Variants in PCCB observed in about 807,000 individuals in gnomAD.
PCCB encodes the protein propionyl-CoA carboxylase subunit beta.
In PCCB, 43 loss-of-function variants were observed where a neutral mutation model predicts 60.7. That is an observed-to-expected ratio of 0.71 (90% CI 0.55 to 0.91). PCCB has a LOEUF of 0.91. Among genes scored for constraint, PCCB ranks in the 40% least tolerant of loss-of-function variants. The pLI is 0.00. For missense variants in PCCB, 766 were observed against 702.8 expected (o/e 1.09, Z -1.02); for synonymous variants, 276 against 255.9 (o/e 1.08, Z -0.75).
At chr3:136,302,169 G>A (rs1010816011) in intron 9 of PCCB, among the ~76,000 whole-genome samples, 4 of 124,776 alleles carry the variant, frequency 3.2e-5, no homozygotes, top group African/African-American at 4.9e-5. Flanking sequence ...TGCCCACCCC[G>A]GCTCCTGCAA....
Position 136,299,958 on chromosome 3 carries a change from A to G in PCCB, c.885-1072A>G, listed in dbSNP as rs566697800. Among the ~76,000 whole-genome samples, 5 of 152,080 alleles carry G rather than the reference A, an allele frequency of 3.3e-5. No homozygotes were observed. The South Asian group carries it at 8.3e-4, about 25-fold the overall frequency. ...TGTATACGCATATGCATACATATAT[A>G]CATGTATGCATGTATACACACATGC... On this transcript the variant is annotated intron_variant, in intron 8 of 14. Transcript: ENST00000251654.
At chr3:136,258,185 T>C (rs1941726539) in intron 3 of PCCB, among the ~76,000 whole-genome samples, 1 of 152,198 alleles carries the variant, frequency 6.6e-6, no homozygotes, top group Non-Finnish European at 1.5e-5. Flanking sequence ...TCACCACTAT[T>C]AAGCAGATGG....
At chr3:136,312,657 A>G (rs987966678) in intron 9 of PCCB, among the ~76,000 whole-genome samples, 4 of 152,226 alleles carry the variant, frequency 2.6e-5, no homozygotes, top group African/African-American at 9.6e-5. Context: ...ACAAGCACTA[A>G]AAGAAAACAC....
At chr3:136,254,894 G>A (rs586381) in intron 1 of PCCB, among the ~76,000 whole-genome samples, 148,236 of 148,298 alleles carry the variant, frequency 1, 74,087 homozygotes, top group Middle Eastern at 1. Flanking sequence ...TTTTTTTTTG[G>A]GACGGAGTTT....
At chr3:136,280,126 T>C (rs1005330755) in intron 5 of PCCB, among the ~76,000 whole-genome samples, 5 of 152,212 alleles carry the variant, frequency 3.3e-5, no homozygotes, top group Non-Finnish European at 7.3e-5. Context: ...AAGTTACATT[T>C]ATTAGTGTTC....
At chr3:136,328,503 G>T (rs1045330150) in intron 13 of PCCB, among the ~76,000 whole-genome samples, 5 of 152,224 alleles carry the variant, frequency 3.3e-5, no homozygotes, top group Non-Finnish European at 7.3e-5. Context: ...TCTGGGGAGA[G>T]AAGCTACTGG....
chr3:136,259,087 C>T lies in PCCB; in HGVS notation c.373-1392C>T, dbSNP rs1941754511. On this transcript the variant is annotated intron_variant, in intron 3 of 14. Coordinates refer to ENST00000251654, the MANE Select transcript of PCCB (RefSeq NM_000532.5). Reference sequence around the variant, plus strand: ...AGGAGAGGTTATGCCCACAATAAGCCCTTTACATCTGAACATAATGAAGAT... The same window carrying T: ...AGGAGAGGTTATGCCCACAATAAGCTCTTTACATCTGAACATAATGAAGAT... 12 of 1,262,550 alleles carry T rather than the reference C, an allele frequency of 9.5e-6. No individual in the cohort carries two copies. In the South Asian group the frequency reaches 2.1e-4, roughly 22 times the overall value. The allele number at this position is 1,262,550 out of a possible 1,614,324, so 78.2% of individuals were successfully genotyped here.
intron 7 of PCCB, among the ~76,000 whole-genome samples, chr3:136,294,071 AAC>A (rs1392507992): frequency 6.6e-6 from 1 of 152,262 alleles, no homozygotes; most frequent in Non-Finnish European, 1.5e-5. Context: ...TTTATTAAAT[AAC>A]ACGCTATTAG....
At chr3:136,254,211 CTTTTT>C (rs936972283) in intron 1 of PCCB, among the ~76,000 whole-genome samples, 1 of 150,994 alleles carries the variant, frequency 6.6e-6, no homozygotes, top group Non-Finnish European at 1.5e-5. Context: ...GCAATGGCGG[CTTTTT>C]TTTGTTTGTT....
intron 6 of PCCB, among the ~76,000 whole-genome samples, chr3:136,284,392 T>C (rs1370344876): frequency 6.6e-6 from 1 of 152,226 alleles, no homozygotes; most frequent in Non-Finnish European, 1.5e-5. Flanking sequence ...GATCTCACAC[T>C]TCATTTTCAG....
chr3:136,267,535 A>G (rs1018283929), intron 5 of PCCB, among the ~76,000 whole-genome samples: 1 of 151,846 alleles, frequency 6.6e-6, no homozygotes, highest in African/African-American at 2.4e-5. Flanking sequence ...CCCAGGCTGA[A>G]GTGTAGTGGT....
chr3:136,251,123 A>G, intron 1 of PCCB: 1 of 435,080 alleles, frequency 2.3e-6, no homozygotes, highest in South Asian at 1.6e-5. Context: ...CCTCGCCTTG[A>G]TGGGTAGCAA....
At chr3:136,271,831 T>A (rs1270636116) in intron 5 of PCCB, among the ~76,000 whole-genome samples, 1 of 152,214 alleles carries the variant, frequency 6.6e-6, no homozygotes, top group Non-Finnish European at 1.5e-5. Context: ...CTTCCTCTTT[T>A]CCAATTTGGA....
intron 7 of PCCB, among the ~76,000 whole-genome samples, chr3:136,297,341 G>T (rs908684614): frequency 1.3e-5 from 2 of 152,176 alleles, no homozygotes; most frequent in African/African-American, 4.8e-5. Context: ...AGTCTGGTGG[G>T]ATGAACCTGG....
rs531167375 is a variant in PCCB at position 136,311,454 on chromosome 3, A to G, written c.967-5487A>G. On this transcript the variant is annotated intron_variant, in intron 9 of 14. Coordinates refer to ENST00000251654, the MANE Select transcript of PCCB (RefSeq NM_000532.5). ...GCAGCTTCAACTTCCTGGTCAAGCA[A>G]TCCTCCCACATTGCCAGGACTACAG... 2.6e-4 allele frequency among the ~76,000 whole-genome samples: 39 copies of G among 152,046 alleles called. No homozygotes were observed. The South Asian group carries it at 5.0e-3, about 19-fold the overall frequency.
intron 8 of PCCB, among the ~76,000 whole-genome samples, chr3:136,300,018 G>A (rs1934189652): frequency 6.6e-6 from 1 of 151,526 alleles, no homozygotes; most frequent in South Asian, 2.1e-4. Flanking sequence ...ATATGCATGT[G>A]TACACGCCCA....
intron 10 of PCCB, among the ~76,000 whole-genome samples, chr3:136,318,164 C>G (rs1178210610): frequency 6.6e-6 from 1 of 152,148 alleles, no homozygotes; most frequent in African/African-American, 2.4e-5. Flanking sequence ...TGGTGAAACC[C>G]TGTCTCTACT....
intron 5 of PCCB, among the ~76,000 whole-genome samples, chr3:136,268,680 T>G (rs1196032126): frequency 6.6e-6 from 1 of 151,974 alleles, no homozygotes; most frequent in Non-Finnish European, 1.5e-5. Flanking sequence ...GTCAGGCTGG[T>G]CTTGAACACC....
chr3:136,306,512 T>C lies in PCCB; in HGVS notation c.966+5401T>C, dbSNP rs144063788. 2.2e-3 allele frequency among the ~76,000 whole-genome samples: 272 copies of C among 122,550 alleles called. 65 individuals carry two copies. The highest frequency in any genetic ancestry group is 3.8e-3 in the Non-Finnish European group (208 of 54,804). 80.4% of individuals were successfully genotyped at this position (122,550 alleles called of 152,430 possible). ...AAATGAATGAAATAATATAAAAAAG[T>C]AAAAGTAGATTTTACATTCTCACCA... On this transcript the variant is annotated intron_variant, in intron 9 of 14. Transcript: ENST00000251654.
Sources: allele counts gnomAD v4.1 joint callset (sites outside exome capture counted in the v4.1 genomes callset), GRCh38; gene constraint gnomAD v4.1.1; transcripts MANE v1.5; gene names NCBI Gene and HGNC (gene_info 2026-07-23, HGNC 2026-07-21).